SH3PXD2A: variants seen among roughly 807,000 people sequenced by gnomAD.
The protein encoded by SH3PXD2A is SH3 and PX domains 2A, also known as SH3 and PX domain-containing protein 2A.
A neutral mutation model predicts 115.2 loss-of-function variants in SH3PXD2A; 32 were observed. The ratio of observed to expected loss-of-function variants is 0.28; its 90% CI spans 0.21 to 0.37. The LOEUF (loss-of-function observed/expected upper bound fraction) is 0.37. SH3PXD2A is among the 10% of genes least tolerant of loss of function. SH3PXD2A has a pLI of 1.00. For synonymous variants in SH3PXD2A, 610 were observed against 629.1 expected, an observed-to-expected ratio of 0.97 and a Z score of 0.45; for missense variants, 1,328 against 1,498.7, an observed-to-expected ratio of 0.89 and a Z score of 1.88.
At chr10:103,721,610 G>A (rs772593957) in intron 5 of SH3PXD2A, among the ~76,000 whole-genome samples, 5 of 152,154 alleles carry the variant, frequency 3.3e-5, no homozygotes, top group Middle Eastern at 3.2e-3. Context: ...CTTTTCCCCC[G>A]TGGCCAGGCA....
chr10:103,643,797 A>G (rs966849875), intron 8 of SH3PXD2A, among the ~76,000 whole-genome samples: 1 of 152,218 alleles, frequency 6.6e-6, no homozygotes, highest in Non-Finnish European at 1.5e-5. Context: ...GATCTTCTTC[A>G]GGTGAAGCTT....
chr10:103,643,176 C>T (rs557178277), intron 8 of SH3PXD2A, among the ~76,000 whole-genome samples: 23 of 152,292 alleles, frequency 1.5e-4, no homozygotes, highest in African/African-American at 5.1e-4. Context: ...GCAGCCACCA[C>T]GAATGCCGAT....
In SH3PXD2A at chr10:103,596,855, C is replaced by T. The variant is rs948381416; in HGVS notation, c.*4961G>A. On this transcript the variant is annotated 3_prime_UTR_variant, in exon 15 of 15. Transcript: ENST00000369774. Reference sequence around the variant, plus strand: ...ACAGTCCCATTCCAGGCACAGAGATCTGTGTCTGTGCAGAAATTCACCAAA... The same window carrying T: ...ACAGTCCCATTCCAGGCACAGAGATTTGTGTCTGTGCAGAAATTCACCAAA... 4 of 152,544 alleles carry T rather than the reference C, an allele frequency of 2.6e-5. No individual in the cohort carries two copies. Among genetic ancestry groups the T allele is most frequent in the Admixed American group, 2.0e-4 (3 of 15,276 alleles). The allele number at this position is 152,544 out of a possible 1,614,324, so 9.4% of individuals were successfully genotyped here.
At chr10:103,621,099 C>T (rs1433224670) in intron 10 of SH3PXD2A, among the ~76,000 whole-genome samples, 2 of 152,066 alleles carry the variant, frequency 1.3e-5, no homozygotes, top group African/African-American at 4.8e-5. Context: ...GTCAGGGAGG[C>T]TGGATGTGAC....
At chr10:103,731,714 C>G (rs1289448191) in intron 4 of SH3PXD2A, among the ~76,000 whole-genome samples, 1 of 152,204 alleles carries the variant, frequency 6.6e-6, no homozygotes, top group Non-Finnish European at 1.5e-5. Context: ...CAACATTACT[C>G]TCCTCAAGGG....
At chr10:103,607,115 G>A (rs1470588645) in intron 13 of SH3PXD2A, among the ~76,000 whole-genome samples, 55 of 145,728 alleles carry the variant, frequency 3.8e-4, no homozygotes, top group Middle Eastern at 7.5e-3. Context: ...GCCGCCCATC[G>A]TCTGAGATGT....
chr10:103,630,822 C>A (rs143339210), intron 8 of SH3PXD2A, among the ~76,000 whole-genome samples: 2 of 151,250 alleles, frequency 1.3e-5, no homozygotes, highest in African/African-American at 2.4e-5. Context: ...ATCATTTGGG[C>A]TCCTGGTTCC....
In SH3PXD2A at chr10:103,596,688, C is replaced by CTCT. The variant is rs71709843; in HGVS notation, c.*5127_*5128insAGA. The CTCT allele has an allele frequency of 5.0e-4, 38 of 75,928 alleles. No individual in the cohort carries two copies. The highest frequency in any genetic ancestry group is 1.3e-3 in the African/African-American group (37 of 27,998). The allele number at this position is 75,928 out of a possible 1,614,324, so 4.7% of individuals were successfully genotyped here. A position where few individuals can be genotyped will look rare whatever the true frequency, so the allele number is the denominator to read the frequency against. ...ACTCTCTCTCTCTCTCTCTCTCTCA[C>CTCT]AACACATGGCCCTCAAAAAAGTGAG... On this transcript the variant is annotated 3_prime_UTR_variant, in exon 15 of 15. Transcript: ENST00000369774.
At chr10:103,678,646 T>C (rs2037571528) in intron 6 of SH3PXD2A, among the ~76,000 whole-genome samples, 1 of 152,186 alleles carries the variant, frequency 6.6e-6, no homozygotes, top group Non-Finnish European at 1.5e-5. Flanking sequence ...TCTTTCCCTG[T>C]CCTGTCAATC....
chr10:103,614,849 C>G (rs2036484869), intron 11 of SH3PXD2A, among the ~76,000 whole-genome samples: 1 of 150,560 alleles, frequency 6.6e-6, no homozygotes, highest in African/African-American at 2.4e-5. Flanking sequence ...AAGTTCCTAT[C>G]AACATGTCTG....
intron 6 of SH3PXD2A, among the ~76,000 whole-genome samples, chr10:103,686,623 C>G (rs2037681596): frequency 6.6e-6 from 1 of 152,204 alleles, no homozygotes; most frequent in Non-Finnish European, 1.5e-5. Context: ...TGGGGCAAGC[C>G]AGGTCGCTGC....
chr10:103,795,792 G>A (rs2039079663), intron 2 of SH3PXD2A, among the ~76,000 whole-genome samples: 3 of 151,960 alleles, frequency 2.0e-5, no homozygotes, highest in South Asian at 4.2e-4. Context: ...GATCATCAAT[G>A]TGTCCCAGAG....
At chr10:103,633,491 C>G (rs539475143) in intron 8 of SH3PXD2A, among the ~76,000 whole-genome samples, 1 of 151,640 alleles carries the variant, frequency 6.6e-6, no homozygotes, top group Admixed American at 6.6e-5. Context: ...TTTGGAAGGC[C>G]GAGGCAGGCA....
At chr10:103,613,257 A>G in intron 11 of SH3PXD2A, 67 bp from the exon 12 acceptor site, 4 of 1,289,638 alleles carry the variant, frequency 3.1e-6, no homozygotes, top group South Asian at 1.4e-5. Flanking sequence ...CCCAGGCCCT[A>G]GGATCCATCT....
chr10:103,780,234 GA>G (rs1203102992), intron 2 of SH3PXD2A, among the ~76,000 whole-genome samples: 1 of 152,224 alleles, frequency 6.6e-6, no homozygotes, highest in Admixed American at 6.5e-5. Flanking sequence ...GGGCTTCCTG[GA>G]AAGGGAAGCC....
chr10:103,812,217 G>T (rs1401228783), intron 1 of SH3PXD2A, among the ~76,000 whole-genome samples: 2 of 152,198 alleles, frequency 1.3e-5, no homozygotes, highest in African/African-American at 4.8e-5. Flanking sequence ...AAACAAGTCT[G>T]ATCACCTCGA....
At chr10:103,731,364 TTGCCCAGGC>T (rs1332149276) in intron 4 of SH3PXD2A, among the ~76,000 whole-genome samples, 1 of 152,118 alleles carries the variant, frequency 6.6e-6, no homozygotes, top group Non-Finnish European at 1.5e-5. Flanking sequence ...TTTCACCATG[TTGCCCAGGC>T]TGGTCTCAAA....
chr10:103,718,219 G>T (rs2038130916), intron 5 of SH3PXD2A, among the ~76,000 whole-genome samples: 1 of 151,728 alleles, frequency 6.6e-6, no homozygotes, highest in East Asian at 1.9e-4. Flanking sequence ...GTCTCACTAT[G>T]TTGCTCAGGC....
chr10:103,838,123 C>T (rs576775017), intron 1 of SH3PXD2A, among the ~76,000 whole-genome samples: 1 of 152,336 alleles, frequency 6.6e-6, no homozygotes, highest in African/African-American at 2.4e-5. Context: ...TGAATCTTTA[C>T]ACTCGCCCTT....
Sources: allele counts gnomAD v4.1 joint callset (sites outside exome capture counted in the v4.1 genomes callset), GRCh38; gene constraint gnomAD v4.1.1; transcripts MANE v1.5; gene names NCBI Gene and HGNC (gene_info 2026-07-23, HGNC 2026-07-21).